Variants in CHRM5 observed in about 807,000 individuals in gnomAD.
CHRM5 encodes the protein cholinergic receptor muscarinic 5.
Under a neutral mutation model 39.0 loss-of-function variants are expected in CHRM5, and 18 were observed. The observed-to-expected ratio is 0.46, with a 90% CI of 0.32 to 0.68. CHRM5 has a LOEUF of 0.68. Ranked by LOEUF, CHRM5 falls within the 30% of genes least tolerant of loss-of-function variation. The pLI is 0.04. For synonymous variants in CHRM5, 241 were observed against 246.3 expected (o/e 0.98, Z 0.20); for missense variants, 515 against 651.1 (o/e 0.79, Z 2.28).
At chr15:33,993,979 C>T (rs557101885) in intron 1 of CHRM5, among the ~76,000 whole-genome samples, 10 of 152,310 alleles carry the variant, frequency 6.6e-5, no homozygotes, top group Non-Finnish European at 1.0e-4. Context: ...TGAATATTTG[C>T]GTTGCTTCCA....
intron 1 of CHRM5, among the ~76,000 whole-genome samples, chr15:34,002,804 A>G (rs147862908): frequency 6.6e-6 from 1 of 152,316 alleles, no homozygotes; most frequent in East Asian, 1.9e-4. Flanking sequence ...CCTTTTATCT[A>G]TCGCAAAGAC....
At chr15:34,018,644 G>A (rs1158600425) in intron 1 of CHRM5, among the ~76,000 whole-genome samples, 1 of 152,200 alleles carries the variant, frequency 6.6e-6, no homozygotes, top group Non-Finnish European at 1.5e-5. Context: ...AAGAGTGAAA[G>A]AACAAAGCTT....
chr15:33,981,714 T>C (rs1474566005), intron 1 of CHRM5, among the ~76,000 whole-genome samples: 1 of 152,228 alleles, frequency 6.6e-6, no homozygotes, highest in Admixed American at 6.5e-5. Flanking sequence ...TTACCTAACT[T>C]CTTTGAGCTT....
At chr15:33,996,361 C>A (rs541291927) in intron 1 of CHRM5, among the ~76,000 whole-genome samples, 2 of 152,256 alleles carry the variant, frequency 1.3e-5, no homozygotes, top group Non-Finnish European at 2.9e-5. Flanking sequence ...GTTCTGAGAA[C>A]CGACAGACTG....
At chr15:34,037,767 T>C (rs1308490916) in intron 1 of CHRM5, among the ~76,000 whole-genome samples, 1 of 152,144 alleles carries the variant, frequency 6.6e-6, no homozygotes, top group African/African-American at 2.4e-5. Context: ...TTTATACTTT[T>C]TTTTCCAGCT....
intron 1 of CHRM5, among the ~76,000 whole-genome samples, chr15:33,997,215 C>T (rs1567457015): frequency 6.6e-6 from 1 of 152,082 alleles, no homozygotes; most frequent in Non-Finnish European, 1.5e-5. Flanking sequence ...AAATTTAAAA[C>T]AATGCACTGA....
At chr15:33,978,184 C>T (rs946896841) in intron 1 of CHRM5, among the ~76,000 whole-genome samples, 1 of 152,040 alleles carries the variant, frequency 6.6e-6, no homozygotes, top group Non-Finnish European at 1.5e-5. Flanking sequence ...TCTCTCTAGG[C>T]AGAACCAATG....
At chr15:33,999,174 G>A (rs914527663) in intron 1 of CHRM5, among the ~76,000 whole-genome samples, 10 of 152,204 alleles carry the variant, frequency 6.6e-5, no homozygotes, top group African/African-American at 2.2e-4. Flanking sequence ...TTGGCAGAGG[G>A]AGGAAGAGAA....
intron 1 of CHRM5, among the ~76,000 whole-genome samples, chr15:33,992,344 T>G (rs548943141): frequency 2.0e-4 from 31 of 151,934 alleles, no homozygotes; most frequent in Admixed American, 1.8e-3. Flanking sequence ...GAGCCGAGAT[T>G]GCGCCACTGC....
intron 1 of CHRM5, among the ~76,000 whole-genome samples, chr15:34,012,638 G>C (rs959802253): frequency 1.3e-5 from 2 of 152,140 alleles, no homozygotes; most frequent in African/African-American, 4.8e-5. Flanking sequence ...TAGTCACTCA[G>C]GTTTTAATGT....
At chr15:33,976,424 T>G (rs1456835485) in intron 1 of CHRM5, among the ~76,000 whole-genome samples, 1 of 151,776 alleles carries the variant, frequency 6.6e-6, no homozygotes, top group Non-Finnish European at 1.5e-5. Flanking sequence ...TTAAGTAGAG[T>G]TATTTTAAAC....
intron 1 of CHRM5, among the ~76,000 whole-genome samples, chr15:33,975,567 A>G (rs1895847528): frequency 6.6e-6 from 1 of 152,244 alleles, no homozygotes. Flanking sequence ...GAAAGCATAG[A>G]AACAAAAAGT....
chr15:33,979,659 C>G (rs139206442), intron 1 of CHRM5, among the ~76,000 whole-genome samples: 319 of 152,224 alleles, frequency 2.1e-3, no homozygotes, highest in African/African-American at 7.1e-3. Flanking sequence ...TATCTGTTTT[C>G]AGAATGAACA....
intron 1 of CHRM5, among the ~76,000 whole-genome samples, chr15:34,013,210 C>T (rs948101986): frequency 1.8e-4 from 27 of 152,018 alleles, no homozygotes; most frequent in Admixed American, 1.4e-3. Flanking sequence ...TACAGGCGCG[C>T]GCCACCACGC....
chr15:33,983,148 GTGTGTGTGTGTA>G lies in CHRM5; in HGVS notation c.-408+14012_-408+14023del, dbSNP rs750245033. ...ATACTCTGTGTGTGTGTGTGTGTGT[GTGTGTGTGTGTA>G]TGTGTGTGTGTATATATACACACGT... On this transcript the variant is annotated intron_variant, in intron 1 of 2. Coordinates refer to ENST00000383263, the MANE Select transcript of CHRM5 (RefSeq NM_012125.4). Among the ~76,000 whole-genome samples, 765 of 137,638 alleles carry G rather than the reference GTGTGTGTGTGTA, an allele frequency of 5.6e-3. 15 individuals carry two copies. The highest frequency in any genetic ancestry group is 0.04 in the Admixed American group (561 of 14,108). 90.3% of individuals were successfully genotyped at this position (137,638 alleles called of 152,430 possible).
At chr15:34,042,986 G>T (rs574474031) in intron 1 of CHRM5, among the ~76,000 whole-genome samples, 3 of 151,826 alleles carry the variant, frequency 2.0e-5, no homozygotes, top group Non-Finnish European at 4.4e-5. Context: ...GGTGGCTCAC[G>T]CCTGTAATCC....
chr15:33,983,352 T>C (rs1244086360), intron 1 of CHRM5, among the ~76,000 whole-genome samples: 1 of 151,914 alleles, frequency 6.6e-6, no homozygotes, highest in African/African-American at 2.4e-5. Flanking sequence ...TTTCACCTTG[T>C]TTTACAAACG....
intron 1 of CHRM5, among the ~76,000 whole-genome samples, chr15:34,012,498 T>C (rs919701021): frequency 1.3e-5 from 2 of 152,230 alleles, no homozygotes; most frequent in African/African-American, 4.8e-5. Flanking sequence ...CAGGTACATC[T>C]GCCTCTCTGT....
At chr15:33,983,217 T>C (rs950097551) in intron 1 of CHRM5, among the ~76,000 whole-genome samples, 5,446 of 103,388 alleles carry the variant, frequency 0.053, 250 homozygotes, top group African/African-American at 0.18. Context: ...TATATATACA[T>C]ATATATACAC....
Sources: allele counts gnomAD v4.1 joint callset (sites outside exome capture counted in the v4.1 genomes callset), GRCh38; gene constraint gnomAD v4.1.1; transcripts MANE v1.5; gene names NCBI Gene and HGNC (gene_info 2026-07-23, HGNC 2026-07-21).